The following PAM variants were observed in gnomAD, a reference collection of about 807,000 sequenced individuals.
PAM encodes peptidyl-glycine alpha-amidating monooxygenase.
Under a neutral mutation model 122.1 loss-of-function variants are expected in PAM, and 72 were observed. The ratio of observed to expected loss-of-function variants is 0.59; its 90% CI spans 0.49 to 0.72. PAM has a LOEUF of 0.72. PAM is among the 30% of genes least tolerant of loss of function. The pLI is 0.00. For missense variants in PAM, 1,106 were observed against 1,183.7 expected (o/e 0.93, Z 0.96); for synonymous variants, 389 against 404.4 (o/e 0.96, Z 0.46).
chr5:102,960,351 T>C (rs901253111), intron 13 of PAM, among the ~76,000 whole-genome samples: 1 of 152,050 alleles, frequency 6.6e-6, no homozygotes, highest in African/African-American at 2.4e-5. Context: ...TTTTCTCATT[T>C]CCTCATCTAA....
Position 102,913,931 on chromosome 5 carries a change from C to T in PAM, c.269-3C>T. ...ACATACATGTATTATTTTCTCGTAA[C>T]AGTTGACTTCAAGCCTCGAGCCAGC... On this transcript the variant is annotated splice_region_variant and splice_polypyrimidine_tract_variant and intron_variant, in intron 4 of 25. Transcript: ENST00000438793. 1.3e-6 allele frequency: 2 copies of T among 1,570,976 alleles called. No individual in the cohort carries two copies. The highest frequency in any genetic ancestry group is 1.3e-5 in the African/African-American group (1 of 74,074).
intron 14 of PAM, among the ~76,000 whole-genome samples, chr5:102,964,820 C>G (rs1039910306): frequency 2.0e-5 from 3 of 151,660 alleles, no homozygotes; most frequent in South Asian, 4.2e-4. Context: ...AATATTTTCT[C>G]CAGTGGTAAA....
intron 1 of PAM, among the ~76,000 whole-genome samples, chr5:102,785,111 G>T (rs959002256): frequency 2.2e-4 from 34 of 152,178 alleles, no homozygotes; most frequent in African/African-American, 7.0e-4. Flanking sequence ...GAACATGCAG[G>T]TTTGTTACAT....
intron 1 of PAM, among the ~76,000 whole-genome samples, chr5:102,789,926 C>A (rs1447137477): frequency 2.0e-5 from 3 of 151,904 alleles, no homozygotes; most frequent in Non-Finnish European, 4.4e-5. Context: ...TATTCATATT[C>A]ATAAATATTC....
intron 14 of PAM, among the ~76,000 whole-genome samples, chr5:102,963,458 TA>T (rs1763113212): frequency 1.3e-5 from 2 of 152,158 alleles, no homozygotes; most frequent in East Asian, 3.9e-4. Context: ...TGTTAATTTT[TA>T]AAGTAAGCCC....
At chr5:103,016,394 TA>T (rs369738303) in intron 21 of PAM, among the ~76,000 whole-genome samples, 56 of 152,340 alleles carry the variant, frequency 3.7e-4, no homozygotes, top group African/African-American at 1.3e-3. Flanking sequence ...TCACTAGTCA[TA>T]TTTTTGATAA....
intron 4 of PAM, 133 bp from the exon 5 acceptor site, chr5:102,913,799 CAG>C (rs1213210430): frequency 1.7e-6 from 1 of 597,256 alleles, no homozygotes; most frequent in Non-Finnish European, 3.0e-6. Flanking sequence ...TTTATACAGA[CAG>C]GGCATTTGAT....
intron 12 of PAM, 37 bp from the exon 13 acceptor site, chr5:102,959,838 G>T: frequency 6.8e-7 from 1 of 1,464,966 alleles, no homozygotes; most frequent in South Asian, 1.2e-5. Context: ...TGTTTTATGT[G>T]AATAGTTGAT....
intron 1 of PAM, among the ~76,000 whole-genome samples, chr5:102,773,229 G>A (rs762311816): frequency 2.0e-4 from 30 of 152,084 alleles, no homozygotes; most frequent in Non-Finnish European, 4.1e-4. Context: ...AAAAGTACTG[G>A]GTCCATAAGT....
At chr5:102,913,685 A>T (rs964875461) in intron 4 of PAM, among the ~76,000 whole-genome samples, 1 of 151,938 alleles carries the variant, frequency 6.6e-6, no homozygotes, top group Non-Finnish European at 1.5e-5. Context: ...GAGGTCTTCC[A>T]TTTTAAAAAT....
rs115037440 is a variant in PAM, at chr5:102,939,229, T to C, written c.527-7608T>C. On this transcript the variant is annotated intron_variant, in intron 7 of 25. Transcript: ENST00000438793. ...TTTCTCCCAATAGAAACATTATTCT[T>C]TTCATCCAGTTTGGAAACCCTTCAC... Among the ~76,000 whole-genome samples the C allele has an allele frequency of 6.6e-3, 1,010 of 152,222 alleles. 8 individuals carry two copies. Among genetic ancestry groups the C allele is most frequent in the Non-Finnish European group, 0.012 (842 of 67,988 alleles).
chr5:102,938,788 T>C (rs930121129), intron 7 of PAM, among the ~76,000 whole-genome samples: 1 of 152,126 alleles, frequency 6.6e-6, no homozygotes, highest in African/African-American at 2.4e-5. Context: ...AATTAGGAGC[T>C]ACAATTCTGT....
chr5:102,992,863 A>G (rs980188295), intron 16 of PAM, among the ~76,000 whole-genome samples: 2 of 152,126 alleles, frequency 1.3e-5, no homozygotes, highest in African/African-American at 4.8e-5. Flanking sequence ...ATCAAATTGA[A>G]GCACATTATA....
Position 102,864,184 on chromosome 5 carries a change from A to ATT in PAM, c.-373-1626_-373-1625dup, listed in dbSNP as rs201056087. ...TCTTCATATATATATATATATATAT[A>ATT]TTTTTTTTTTTTTTAAAGAACTTCA... On this transcript the variant is annotated intron_variant, in intron 1 of 25. Coordinates refer to ENST00000438793, the MANE Select transcript of PAM (RefSeq NM_001177306.2). 7.4e-3 allele frequency among the ~76,000 whole-genome samples: 986 copies of ATT among 133,668 alleles called. 13 individuals are homozygous for ATT. Among genetic ancestry groups the ATT allele is most frequent in the African/African-American group, 0.025 (881 of 35,110 alleles). The allele number at this position is 133,668 out of a possible 152,430, so 87.7% of individuals were successfully genotyped here.
At chr5:103,001,221 G>A (rs1333314992) in intron 16 of PAM, among the ~76,000 whole-genome samples, 2 of 152,054 alleles carry the variant, frequency 1.3e-5, no homozygotes, top group Non-Finnish European at 1.5e-5. Context: ...TAGTTATGAT[G>A]TTTTTAGTAA....
chr5:102,781,835 C>G (rs189206455), intron 1 of PAM, among the ~76,000 whole-genome samples: 1 of 152,220 alleles, frequency 6.6e-6, no homozygotes. Context: ...GTGGATTAGC[C>G]GTGCTCTTCT....
At chr5:103,008,644 A>C (rs947096386) in intron 20 of PAM, among the ~76,000 whole-genome samples, 12 of 152,116 alleles carry the variant, frequency 7.9e-5, no homozygotes, top group Non-Finnish European at 7.4e-5. Context: ...CAGCCCCCCA[A>C]ATTATTTAGG....
intron 1 of PAM, among the ~76,000 whole-genome samples, chr5:102,811,122 A>G (rs1767784752): frequency 6.6e-6 from 1 of 152,236 alleles, no homozygotes; most frequent in African/African-American, 2.4e-5. Context: ...ATTTTCTCCC[A>G]TTACAAGAGT....
chr5:102,921,807 C>A (rs754390793), intron 5 of PAM, among the ~76,000 whole-genome samples: 1 of 152,066 alleles, frequency 6.6e-6, no homozygotes, highest in Non-Finnish European at 1.5e-5. Flanking sequence ...TCATTCTCTG[C>A]CCATAAATCA....
Sources: allele counts gnomAD v4.1 joint callset (sites outside exome capture counted in the v4.1 genomes callset), GRCh38; gene constraint gnomAD v4.1.1; transcripts MANE v1.5; gene names NCBI Gene and HGNC (gene_info 2026-07-23, HGNC 2026-07-21).